UGT1A6: variants seen among roughly 807,000 people sequenced by gnomAD.
The protein encoded by UGT1A6 is UDP glucuronosyltransferase family 1 member A6, also known as UDP-glucuronosyltransferase 1A6.
A neutral mutation model predicts 44.4 loss-of-function variants in UGT1A6; 32 were observed. That is an observed-to-expected ratio of 0.72 (90% CI 0.54 to 0.97). UGT1A6 has a LOEUF of 0.97. UGT1A6 is among the 50% of genes least tolerant of loss of function. The pLI is 0.00. For missense variants in UGT1A6, 685 were observed against 661.9 expected, an observed-to-expected ratio of 1.03 and a Z score of -0.38; for synonymous variants, 238 against 248.5, an observed-to-expected ratio of 0.96 and a Z score of 0.40.
intron 1 of UGT1A6, among the ~76,000 whole-genome samples, chr2:233,695,869 A>C (rs1462453921): frequency 6.6e-6 from 1 of 152,204 alleles, no homozygotes; most frequent in Non-Finnish European, 1.5e-5. Flanking sequence ...AACAACAAAC[A>C]ACGCAGAAAA....
At position 233,744,183 on chromosome 2, in the gene UGT1A6, A is replaced by G. The variant is rs1026910418; in HGVS notation, c.862-22851A>G. 8.6e-5 allele frequency among the ~76,000 whole-genome samples: 13 copies of G among 151,842 alleles called. 1 individual carries two copies. The highest frequency in any genetic ancestry group is 2.7e-4 in the African/African-American group (11 of 41,106). On this transcript the variant is annotated intron_variant, in intron 1 of 4. Transcript: ENST00000305139. Reference sequence around the variant, plus strand: ...CGCCCACTCCGGCCTCCAACCAGCCATGGTCTCCAAAAAGGATGGGAAAAA... The same window carrying G: ...CGCCCACTCCGGCCTCCAACCAGCCGTGGTCTCCAAAAAGGATGGGAAAAA...
upstream of UGT1A6, chr2:233,692,833 A>T: frequency 6.9e-7 from 1 of 1,445,682 alleles, no homozygotes; most frequent in East Asian, 2.5e-5. Context: ...TGTGATTAAA[A>T]TGGTTAAATA....
At chr2:233,725,317 C>CAGAG (rs1559370683) in intron 1 of UGT1A6, among the ~76,000 whole-genome samples, 1 of 37,458 alleles carries the variant, frequency 2.7e-5, no homozygotes. Context: ...GAGGCAGAGG[C>CAGAG]GCCTGGTCAA....
chr2:233,744,546 A>G (rs6741669), intron 1 of UGT1A6, among the ~76,000 whole-genome samples: 82,767 of 151,282 alleles, frequency 0.55, 24,843 homozygotes, highest in African/African-American at 0.8. Flanking sequence ...AAATTTTATT[A>G]AGACAAAATG....
chr2:233,763,577 T>C (rs1698349758), intron 1 of UGT1A6, among the ~76,000 whole-genome samples: 1 of 152,236 alleles, frequency 6.6e-6, no homozygotes, highest in African/African-American at 2.4e-5. Context: ...TATTTTCTCT[T>C]TCTTCCTTTG....
At position 233,768,261 on chromosome 2, in the gene UGT1A6, C is replaced by T; in HGVS notation, c.1123C>T (p.His375Tyr). The change falls in exon 4 of 5, where the codon CAT becomes TAT. Residue 375 changes from histidine to tyrosine, a missense_variant. His to Tyr is a moderately conservative substitution (Grantham distance 83). Coordinates refer to ENST00000305139, the MANE Select transcript of UGT1A6 (RefSeq NM_001072.4). ...TRAFITHAGS[H>Y]GVYESICNGV... ...TGCCTTTATCACCCATGCTGGTTCC[C>T]ATGGTGTTTATGAAAGCATATGCAA... 6.8e-6 allele frequency: 11 copies of T among 1,614,164 alleles called. No individual in the cohort carries two copies. Among genetic ancestry groups the T allele is most frequent in the Non-Finnish European group, 9.3e-6 (11 of 1,180,032 alleles).
At chr2:233,732,713 G>A (rs556397438) in intron 1 of UGT1A6, among the ~76,000 whole-genome samples, 41 of 149,102 alleles carry the variant, frequency 2.7e-4, no homozygotes, top group African/African-American at 1.0e-3. Flanking sequence ...CTGTAGCCTT[G>A]TAGTACAGTT....
At chr2:233,717,189 G>A (rs769962045) in intron 1 of UGT1A6, among the ~76,000 whole-genome samples, 4 of 152,156 alleles carry the variant, frequency 2.6e-5, no homozygotes, top group South Asian at 2.1e-4. Context: ...CACCCTCCCA[G>A]GCATGTTCCA....
chr2:233,729,285 C>G (rs1346383611), intron 1 of UGT1A6: 12 of 1,614,080 alleles, frequency 7.4e-6, no homozygotes, highest in Non-Finnish European at 5.9e-6. Context: ...AGCTCCATGC[C>G]AGAGGCCACC....
At chr2:233,771,541 A>C (rs1305136461) in intron 4 of UGT1A6, 1 of 152,298 alleles carries the variant, frequency 6.6e-6, no homozygotes, top group African/African-American at 2.4e-5. Flanking sequence ...TTTGGCACTT[A>C]CAAATGGCTG....
At chr2:233,699,324 G>C (rs2075498732) in intron 1 of UGT1A6, among the ~76,000 whole-genome samples, 1 of 152,040 alleles carries the variant, frequency 6.6e-6, no homozygotes, top group Non-Finnish European at 1.5e-5. Context: ...CTATTTTGTT[G>C]AGTTTCATCC....
chr2:233,753,810 A>G (rs1695316193), intron 1 of UGT1A6, among the ~76,000 whole-genome samples: 1 of 152,190 alleles, frequency 6.6e-6, no homozygotes, highest in Non-Finnish European at 1.5e-5. Flanking sequence ...ATAGTTGGAG[A>G]ACCACGTTAG....
At chr2:233,732,419 C>T (rs1270659145) in intron 1 of UGT1A6, among the ~76,000 whole-genome samples, 4 of 152,190 alleles carry the variant, frequency 2.6e-5, no homozygotes, top group Non-Finnish European at 5.9e-5. Context: ...CCTAGGTTTT[C>T]TTCTAGGATT....
intron 1 of UGT1A6, chr2:233,743,868 C>T (rs1183331531): frequency 8.0e-6 from 11 of 1,367,072 alleles, no homozygotes; most frequent in East Asian, 4.5e-5. Context: ...TTGATGGCCT[C>T]GGATGAGGCC....
In UGT1A6 at chr2:233,713,691, C is replaced by T; in HGVS notation, c.861+19826C>T. On this transcript the variant is annotated intron_variant, in intron 1 of 4. Transcript: ENST00000305139. ...TGCTGTTTCTGCTCCTTATGCAAGC[C>T]TTGCCTCTGAGCTTTTTCAGAGAGA... The T allele has an allele frequency of 3.1e-6, 5 of 1,613,942 alleles. 1 individual carries two copies. The South Asian group carries it at 5.5e-5, about 18-fold the overall frequency.
upstream of UGT1A6, chr2:233,692,843 A>G (rs746217324): frequency 3.8e-5 from 55 of 1,453,204 alleles, no homozygotes; most frequent in Admixed American, 5.7e-5. Context: ...ATGGTTAAAT[A>G]TTAATTTGGG....
chr2:233,722,845 C>CT (rs61550889), intron 1 of UGT1A6, among the ~76,000 whole-genome samples: 61,845 of 135,260 alleles, frequency 0.46, 16,439 homozygotes, highest in African/African-American at 0.64. Context: ...AAGAATGTTT[C>CT]TTTTTTTTTT....
chr2:233,760,502 C>T (rs534361076), intron 1 of UGT1A6: 2 of 1,614,242 alleles, frequency 1.2e-6, no homozygotes, highest in Non-Finnish European at 1.7e-6. Flanking sequence ...AGAGACGGAG[C>T]ATTTTACACC....
At chr2:233,704,044 A>C (rs4521035) in intron 1 of UGT1A6, among the ~76,000 whole-genome samples, 86,978 of 151,728 alleles carry the variant, frequency 0.57, 26,924 homozygotes, top group African/African-American at 0.82. Flanking sequence ...GTGTGCACCA[A>C]CATGCCTGGC....
Sources: gnomAD v4.1 joint callset for allele counts (sites outside exome capture counted in the v4.1 genomes callset) on GRCh38, gnomAD v4.1.1 for gene constraint, MANE v1.5 for transcripts, NCBI Gene and HGNC (gene_info 2026-07-23, HGNC 2026-07-21) for gene names.